The following IL1RAPL1 variants were observed in gnomAD, a reference collection of about 807,000 sequenced individuals.
IL1RAPL1 encodes the protein interleukin 1 receptor accessory protein like 1, also known as interleukin-1 receptor accessory protein-like 1.
Under a neutral mutation model 48.4 loss-of-function variants are expected in IL1RAPL1, and 3 were observed. The observed-to-expected ratio is 0.06, with a 90% CI of 0.03 to 0.16. The LOEUF (loss-of-function observed/expected upper bound fraction) is 0.16. Among genes scored for constraint, IL1RAPL1 ranks in the 10% least tolerant of loss-of-function variants. IL1RAPL1 has a pLI of 1.00. For synonymous variants in IL1RAPL1, 185 were observed against 187.7 expected, an observed-to-expected ratio of 0.99 and a Z score of 0.12; for missense variants, 349 against 530.6, an observed-to-expected ratio of 0.66 and a Z score of 3.36.
At chrX:29,903,439 C>T (rs1209875083) in intron 6 of IL1RAPL1, among the ~76,000 whole-genome samples, 2 of 111,314 alleles carry the variant, frequency 1.8e-5, no homozygotes. Context: ...TAGTTAAGAA[C>T]AAAATGCTCA....
At chrX:29,854,726 A>G (rs1288673724) in intron 6 of IL1RAPL1, among the ~76,000 whole-genome samples, 2 of 111,560 alleles carry the variant, frequency 1.8e-5, no homozygotes, top group East Asian at 5.6e-4. Context: ...TATATGGTAT[A>G]TATAAGACAT....
At chrX:28,619,868 C>T (rs1247225924) in intron 1 of IL1RAPL1, among the ~76,000 whole-genome samples, 2 of 111,260 alleles carry the variant, frequency 1.8e-5, no homozygotes, top group Non-Finnish European at 3.8e-5. Context: ...TCTCCATTTC[C>T]TAAGTCATAT....
At chrX:29,756,109 C>T (rs1287729991) in intron 6 of IL1RAPL1, among the ~76,000 whole-genome samples, 1 of 111,647 alleles carries the variant, frequency 9.0e-6, no homozygotes, top group Non-Finnish European at 1.9e-5. Flanking sequence ...TTAATAAAGA[C>T]CTAGTGTGTA....
intron 2 of IL1RAPL1, among the ~76,000 whole-genome samples, chrX:29,224,587 G>A (rs1931044272): frequency 9.0e-6 from 1 of 111,535 alleles, no homozygotes; most frequent in African/African-American, 3.3e-5. Context: ...TCAGGCAACA[G>A]CATCCTCAAT....
intron 2 of IL1RAPL1, among the ~76,000 whole-genome samples, chrX:28,833,584 G>A (rs1469443514): frequency 9.0e-5 from 10 of 111,511 alleles, no homozygotes; most frequent in African/African-American, 3.3e-4. Context: ...AGTGATGATA[G>A]CACATCCCTT....
rs1203248525 is a variant in IL1RAPL1, at chrX:29,350,191, T to TTATATATGTATATATATATATATA, written c.363-46060_363-46059insGTATATATATATATATATATATAT. ...CTCCCTTGGTCTACATACTGTTATT[T>TTATATATGTATATATATATATATA]TATATATATATATATATATATATAT... On this transcript the variant is annotated intron_variant, in intron 3 of 10. Coordinates refer to ENST00000378993, the MANE Select transcript of IL1RAPL1 (RefSeq NM_014271.4). Among the ~76,000 whole-genome samples the TTATATATGTATATATATATATATA allele has an allele frequency of 1.1e-3, 42 of 39,422 alleles. 1 individual carries two copies. Among genetic ancestry groups the TTATATATGTATATATATATATATA allele is most frequent in the African/African-American group, 7.3e-3 (42 of 5,750 alleles). The allele number at this position is 39,422 out of a possible 115,157, so 34.2% of individuals were successfully genotyped here.
intron 5 of IL1RAPL1, among the ~76,000 whole-genome samples, chrX:29,457,045 G>T (rs1005996553): frequency 6.4e-5 from 7 of 109,314 alleles, no homozygotes; most frequent in African/African-American, 2.3e-4. Flanking sequence ...GAGGAGGAAA[G>T]ATCACTTGAG....
intron 2 of IL1RAPL1, among the ~76,000 whole-genome samples, chrX:29,203,722 AATATATATATATATATATATAT>A (rs56950481): frequency 1.8e-4 from 14 of 78,427 alleles, no homozygotes; most frequent in African/African-American, 7.6e-4. Context: ...TCCGTCTCAA[AATATATATATATATATATATAT>A]ATATATATAT....
At chrX:29,338,264 CA>C (rs1392037680) in intron 3 of IL1RAPL1, among the ~76,000 whole-genome samples, 1 of 111,142 alleles carries the variant, frequency 9.0e-6, no homozygotes, top group Non-Finnish European at 1.9e-5. Context: ...ATGGCACACA[CA>C]CACATACACA....
At chrX:29,507,636 TA>T (rs1281683727) in intron 5 of IL1RAPL1, among the ~76,000 whole-genome samples, 1 of 105,621 alleles carries the variant, frequency 9.5e-6, no homozygotes, top group Non-Finnish European at 1.9e-5. Context: ...AAAAACAACT[TA>T]CGGAAGGACT....
Position 29,625,802 on chromosome X carries a change from T to G in IL1RAPL1, c.704-42628T>G, listed in dbSNP as rs540617202. 6.2e-5 allele frequency among the ~76,000 whole-genome samples: 7 copies of G among 112,218 alleles called. No homozygotes were observed. In the South Asian group the frequency reaches 2.2e-3, roughly 35 times the overall value. The stretch of plus-strand genomic sequence containing the variant: ...ATTGGAAGGCTAAGATGGTTATCTC[T>G]GTGATGATCCTTCCATGTGATTTGA... On this transcript the variant is annotated intron_variant, in intron 5 of 10. Coordinates refer to ENST00000378993, the MANE Select transcript of IL1RAPL1 (RefSeq NM_014271.4).
intron 2 of IL1RAPL1, among the ~76,000 whole-genome samples, chrX:28,915,883 A>G (rs1923478399): frequency 9.1e-6 from 1 of 110,488 alleles, no homozygotes; most frequent in Admixed American, 9.7e-5. Flanking sequence ...TAACACTAGC[A>G]TAGCTTCTAA....
chrX:29,944,498 T>C (rs1439909837), intron 9 of IL1RAPL1, among the ~76,000 whole-genome samples: 1 of 112,117 alleles, frequency 8.9e-6, no homozygotes. Flanking sequence ...CAACTTTCTT[T>C]AATTCTCTAG....
intron 3 of IL1RAPL1, among the ~76,000 whole-genome samples, chrX:29,346,795 G>A (rs1463584026): frequency 8.9e-6 from 1 of 112,279 alleles, no homozygotes; most frequent in South Asian, 3.7e-4. Context: ...GCTATCAAGA[G>A]GAAATACACC....
intron 6 of IL1RAPL1, among the ~76,000 whole-genome samples, chrX:29,900,752 G>A (rs1039762866): frequency 3.6e-5 from 4 of 111,462 alleles, no homozygotes; most frequent in Non-Finnish European, 7.5e-5. Flanking sequence ...GGAGATAAAC[G>A]TGGTTTTTGT....
intron 3 of IL1RAPL1, among the ~76,000 whole-genome samples, chrX:29,380,259 C>T (rs776008994): frequency 3.1e-4 from 35 of 111,688 alleles, no homozygotes; most frequent in African/African-American, 1.1e-3. Flanking sequence ...TGGAGTTTTA[C>T]TCTTGTTGCC....
At chrX:29,076,242 A>C (rs192838836) in intron 2 of IL1RAPL1, among the ~76,000 whole-genome samples, 3 of 112,237 alleles carry the variant, frequency 2.7e-5, no homozygotes, top group Middle Eastern at 4.7e-3. Context: ...TATATTACTT[A>C]AAATCTTTTC....
chrX:29,011,584 C>G (rs1435345308), intron 2 of IL1RAPL1, among the ~76,000 whole-genome samples: 1 of 112,162 alleles, frequency 8.9e-6, no homozygotes, highest in Admixed American at 9.5e-5. Flanking sequence ...TCTGTAGTGA[C>G]AAACAACAGA....
At chrX:29,612,413 T>TA (rs371051149) in intron 5 of IL1RAPL1, among the ~76,000 whole-genome samples, 173 of 101,460 alleles carry the variant, frequency 1.7e-3, no homozygotes, top group South Asian at 5.2e-3. Flanking sequence ...CTCATTTTAT[T>TA]AAAAAAAAAA....
Sources: allele counts gnomAD v4.1 joint callset (sites outside exome capture counted in the v4.1 genomes callset), GRCh38; gene constraint gnomAD v4.1.1; transcripts MANE v1.5; gene names NCBI Gene and HGNC (gene_info 2026-07-23, HGNC 2026-07-21).